The following CHLSN variants were observed in gnomAD, a reference collection of about 807,000 sequenced individuals.
The protein encoded by CHLSN is protein cholesin.
the CHLSN span, among the ~76,000 whole-genome samples, chr7:1,071,591 T>A: frequency 6.6e-6 from 1 of 152,102 alleles, no homozygotes; most frequent in African/African-American, 2.4e-5. Flanking sequence ...AGTACCACTG[T>A]GAGTCTTCAT....
At chr7:1,069,208 G>A in the CHLSN span, among the ~76,000 whole-genome samples, 2 of 152,338 alleles carry the variant, frequency 1.3e-5, no homozygotes, top group African/African-American at 4.8e-5. Flanking sequence ...GCACATGCCT[G>A]TAATCCCAGC....
At chr7:1,107,745 A>G in the CHLSN span, among the ~76,000 whole-genome samples, 22 of 151,768 alleles carry the variant, frequency 1.4e-4, no homozygotes, top group Non-Finnish European at 2.8e-4. Flanking sequence ...CTGGAGCCCC[A>G]CGCCCCGGGA....
chr7:1,107,981 A>T, the CHLSN span, among the ~76,000 whole-genome samples: 14,212 of 36,572 alleles, frequency 0.39, 1,207 homozygotes, highest in Middle Eastern at 0.47. Flanking sequence ...CGCACTGGAG[A>T]CCCGCACCCC....
the CHLSN span, among the ~76,000 whole-genome samples, chr7:1,065,477 G>A: frequency 1.3e-5 from 2 of 152,254 alleles, no homozygotes; most frequent in African/African-American, 2.4e-5. Context: ...AATGCTACTC[G>A]TCAGCGAAAT....
At chr7:987,533 TG>T in the CHLSN span, 2 of 1,517,396 alleles carry the variant, frequency 1.3e-6, no homozygotes, top group South Asian at 1.2e-5. Context: ...CTCCCCAAGG[TG>T]GGGCTGGGCC....
the CHLSN span, among the ~76,000 whole-genome samples, chr7:1,054,396 C>A: frequency 1.3e-5 from 2 of 152,228 alleles, no homozygotes; most frequent in African/African-American, 2.4e-5. Flanking sequence ...TGCCAGTAAA[C>A]AAAAATGCAC....
chr7:1,090,013 G>A, the CHLSN span, among the ~76,000 whole-genome samples: 1 of 151,894 alleles, frequency 6.6e-6, no homozygotes, highest in Admixed American at 6.5e-5. Context: ...TAACCCGGGA[G>A]GCGGCAGTTG....
the CHLSN span, among the ~76,000 whole-genome samples, chr7:1,013,505 G>A: frequency 6.6e-6 from 1 of 152,234 alleles, no homozygotes; most frequent in Non-Finnish European, 1.5e-5. Context: ...AGGATTCTGG[G>A]AAGGGGCAGA....
the CHLSN span, chr7:1,093,083 C>T: frequency 5.8e-6 from 4 of 688,038 alleles, no homozygotes; most frequent in East Asian, 2.9e-5. Flanking sequence ...AATCCCAAAG[C>T]GCTCGCCCCG....
At chr7:1,029,971 G>A in the CHLSN span, among the ~76,000 whole-genome samples, 2 of 152,170 alleles carry the variant, frequency 1.3e-5, no homozygotes, top group Non-Finnish European at 2.9e-5. Context: ...TGCCTGCAGC[G>A]GCTATGCAGC....
the CHLSN span, among the ~76,000 whole-genome samples, chr7:1,006,555 A>G: frequency 6.8e-6 from 1 of 147,244 alleles, no homozygotes; most frequent in Non-Finnish European, 1.5e-5. Context: ...GCCACAGCGC[A>G]GGGAAAGAGC....
At chr7:1,066,759 G>A in the CHLSN span, among the ~76,000 whole-genome samples, 1 of 152,244 alleles carries the variant, frequency 6.6e-6, no homozygotes, top group African/African-American at 2.4e-5. Flanking sequence ...CACGAGGGAA[G>A]GCCCCACATG....
At chr7:1,069,791 T>C in the CHLSN span, among the ~76,000 whole-genome samples, 904 of 36,940 alleles carry the variant, frequency 0.024, 20 homozygotes, top group East Asian at 0.096. Flanking sequence ...AAGTGAGGAG[T>C]GTCTCTGCCT....
the CHLSN span, among the ~76,000 whole-genome samples, chr7:1,070,311 G>T: frequency 7.0e-6 from 1 of 143,118 alleles, no homozygotes; most frequent in African/African-American, 2.5e-5. Flanking sequence ...GGAGGTGGGG[G>T]GTCAGCCCCC....
chr7:997,626 T>C, the CHLSN span: 2 of 1,603,090 alleles, frequency 1.2e-6, no homozygotes, highest in Non-Finnish European at 1.7e-6. Flanking sequence ...CTGAACCCAC[T>C]AGGAGAGCAG....
the CHLSN span, chr7:987,460 A>G: frequency 1.9e-6 from 3 of 1,571,820 alleles, no homozygotes; most frequent in Non-Finnish European, 2.6e-6. Context: ...GCAGCGGTTC[A>G]TCACGCTCCT....
chr7:1,113,517 G>A, the CHLSN span, among the ~76,000 whole-genome samples: 5 of 152,176 alleles, frequency 3.3e-5, no homozygotes, highest in Non-Finnish European at 7.3e-5. Flanking sequence ...TAAGCATCAC[G>A]AGGTGCTGAT....
chr7:1,134,340 G>A, the CHLSN span, among the ~76,000 whole-genome samples: 3 of 152,202 alleles, frequency 2.0e-5, no homozygotes, highest in East Asian at 3.9e-4. Context: ...TTGGGAGGCC[G>A]AGGTGGGCAG....
the CHLSN span, among the ~76,000 whole-genome samples, chr7:1,016,869 G>GC: frequency 8.2e-5 from 4 of 48,658 alleles, no homozygotes; most frequent in Non-Finnish European, 8.2e-5. Flanking sequence ...ACAGCACACA[G>GC]CAGCGCACAG....
Sources: allele counts gnomAD v4.1 joint callset (sites outside exome capture counted in the v4.1 genomes callset), GRCh38; gene constraint gnomAD v4.1.1; transcripts MANE v1.5; gene names NCBI Gene and HGNC (gene_info 2026-07-23, HGNC 2026-07-21).